REM2: variants seen among roughly 807,000 people sequenced by gnomAD.
The protein encoded by REM2 is GTP-binding protein REM 2.
REM2 carries 24 observed loss-of-function variants against 24.4 expected under a neutral mutation model. The observed-to-expected ratio is 0.98, with a 90% CI of 0.71 to 1.38. REM2 has a LOEUF of 1.38. REM2 is among the 40% of genes most tolerant of loss of function. The pLI is 0.00. For missense variants in REM2, 429 were observed against 467.8 expected (o/e 0.92, Z 0.77); for synonymous variants, 187 against 198.0 (o/e 0.94, Z 0.47).
chr14:22,884,839 C>G lies in REM2; in HGVS notation c.269C>G (p.Pro90Arg), dbSNP rs1417718352. The part of the protein sequence containing the change: ...AQAVDELDWP[P>R]QASSSGSSDS... ...GCTGTAGATGAACTTGACTGGCCAC[C>G]TCAGGCCTCATCCTCTGGCTCGTCT... Residue 90 changes from proline to arginine, a missense_variant, in exon 2 of 5, where the codon CCT becomes CGT. By Grantham distance (103) the Pro-to-Arg change is moderately radical (BLOSUM62 -2). Transcript: ENST00000267396. 10 of 1,613,908 alleles carry G rather than the reference C, an allele frequency of 6.2e-6. No homozygotes were observed.
intron 1 of REM2, chr14:22,884,315 TC>T (rs1264447505): frequency 2.0e-6 from 2 of 985,086 alleles, no homozygotes; most frequent in Non-Finnish European, 2.4e-6. Flanking sequence ...TCCCCAAACC[TC>T]CCCCAACTCC....
rs2040108507 is a variant in REM2, at chr14:22,884,941, G to A, written c.371G>A (p.Gly124Asp). ...AAGGTCATGCTAGTGGGGGAGAGCG[G>A]CGTGGGCAAGAGCACCCTAGCAGGC... ...IFKVMLVGESGVGKSTLAGTF... is the reference protein window; with the variant it reads ...IFKVMLVGESDVGKSTLAGTF... The change falls in exon 2 of 5, where the codon GGC (glycine) becomes GAC (aspartate). Residue 124 changes from glycine to aspartate, a missense_variant. Physicochemically the swap from Gly to Asp is moderately conservative, Grantham distance 94 (BLOSUM62 -1). Transcript: ENST00000267396. 1.3e-6 allele frequency: 2 copies of A among 1,599,500 alleles called. No homozygotes were observed. The highest frequency in any genetic ancestry group is 1.7e-5 in the Admixed American group (1 of 58,874).
intron 1 of REM2, 24 bp downstream of exon 1, chr14:22,883,414 C>G (rs2040086901): frequency 6.5e-7 from 1 of 1,550,262 alleles, no homozygotes; most frequent in South Asian, 1.2e-5. Flanking sequence ...TGGGCAGGTT[C>G]CGGCTGAAAC....
In REM2 at chr14:22,886,185, T is replaced by G; in HGVS notation, c.681T>G (p.Val227=). Residue 227 remains valine (V), a synonymous_variant, in exon 4 of 5, where the codon GTT becomes GTG. Transcript: ENST00000267396. The surrounding 1 kb of genome is among the most constrained non-coding windows in gnomAD (Gnocchi z 5.9). Reference sequence around the variant, plus strand: ...ACCACGACCTACCCGTTATCCTCGTTGGAAACAAGAGCGACTTGGCCCGCT... The same window carrying G: ...ACCACGACCTACCCGTTATCCTCGTGGGAAACAAGAGCGACTTGGCCCGCT... ...RPHHDLPVIL[V]GNKSDLARSR... 1 of 1,613,940 alleles carries G rather than the reference T, an allele frequency of 6.2e-7. No homozygotes were observed. Among genetic ancestry groups the G allele is most frequent in the Middle Eastern group, 1.6e-4 (1 of 6,062 alleles).
In REM2 at chr14:22,885,354, G is replaced by A. The variant is rs768206017; in HGVS notation, c.519+15G>A. 8.8e-6 allele frequency: 14 copies of A among 1,599,254 alleles called. No homozygotes were observed. The highest frequency in any genetic ancestry group is 4.4e-5 in the South Asian group (4 of 90,750). Reference sequence around the variant, plus strand: ...TCTGGGAACAGGTGAGAACTAAGATGTGGCTGCAGGCAGGTGATGAAGCTG... The same window carrying A: ...TCTGGGAACAGGTGAGAACTAAGATATGGCTGCAGGCAGGTGATGAAGCTG... On this transcript the variant is annotated intron_variant, in intron 3 of 4. Coordinates refer to ENST00000267396, the MANE Select transcript of REM2 (RefSeq NM_173527.3).
chr14:22,884,408 A>T (rs1595036976), intron 1 of REM2: 1 of 985,352 alleles, frequency 1.0e-6, no homozygotes, highest in Non-Finnish European at 1.2e-6. Context: ...GCCTGCATTC[A>T]GGTCCCTTCC....
chr14:22,887,007 G>A lies in REM2; in HGVS notation c.*98G>A. 1 of 1,157,828 alleles carries A rather than the reference G, an allele frequency of 8.6e-7. No homozygotes were observed. The highest frequency in any genetic ancestry group is 1.2e-6 in the Non-Finnish European group (1 of 868,542). 71.7% of individuals were successfully genotyped at this position (1,157,828 alleles called of 1,614,324 possible). A position where few individuals can be genotyped will look rare whatever the true frequency, so the allele number is the denominator to read the frequency against. ...GCCCCCGTCCGGCTTCCTTGGTGGA[G>A]GCCGTCTAGGAAACCAAAAACTCCC... is the stretch of plus-strand genomic sequence containing the variant. On this transcript the variant is annotated 3_prime_UTR_variant, in exon 5 of 5. Transcript: ENST00000267396.
Position 22,884,703 on chromosome 14 carries a change from G to C in REM2, c.133G>C (p.Glu45Gln), listed in dbSNP as rs1435603312. ...AGATGCCACGCTACTAAAGAAGTCA[G>C]AGAAACTGTTGGCAGAGTTGGACCG... ...EADATLLKKS[E>Q]KLLAELDRSG... The change falls in exon 2 of 5, where the codon GAG (glutamate) becomes CAG (glutamine). Residue 45 changes from glutamate to glutamine, a missense_variant. Physicochemically the swap from Glu to Gln is conservative, Grantham distance 29 (BLOSUM62 2). Coordinates refer to ENST00000267396, the MANE Select transcript of REM2 (RefSeq NM_173527.3). 1.4e-5 allele frequency: 22 copies of C among 1,609,302 alleles called. No individual in the cohort carries two copies. The highest frequency in any genetic ancestry group is 1.9e-5 in the Non-Finnish European group (22 of 1,178,132).
chr14:22,886,967 C>T lies in REM2; in HGVS notation c.*58C>T. Reference sequence around the variant, plus strand: ...GGTCACCGCGCCCTCCGCTCGCCCCCCCTCGCCCCGCCCCGCCCCCGTCCG... The same window carrying T: ...GGTCACCGCGCCCTCCGCTCGCCCCTCCTCGCCCCGCCCCGCCCCCGTCCG... On this transcript the variant is annotated 3_prime_UTR_variant, in exon 5 of 5. Coordinates refer to ENST00000267396, the MANE Select transcript of REM2 (RefSeq NM_173527.3). The surrounding 1 kb of genome is among the most constrained non-coding windows in gnomAD (Gnocchi z 5.9). 3.0e-6 allele frequency: 4 copies of T among 1,314,226 alleles called. No individual in the cohort carries two copies. Among genetic ancestry groups the T allele is most frequent in the South Asian group, 1.7e-5 (1 of 57,896 alleles). 81.4% of individuals were successfully genotyped at this position (1,314,226 alleles called of 1,614,324 possible).
At chr14:22,883,505 A>G (rs1007876219) in intron 1 of REM2, 115 bp downstream of exon 1, 1 of 910,488 alleles carries the variant, frequency 1.1e-6, no homozygotes, top group Non-Finnish European at 1.7e-6. Flanking sequence ...GCAAGAGGAG[A>G]AGAGCAATTG....
At chr14:22,883,892 C>A (rs761326914) in intron 1 of REM2, among the ~76,000 whole-genome samples, 10 of 140,756 alleles carry the variant, frequency 7.1e-5, no homozygotes, top group Non-Finnish European at 1.5e-4. Flanking sequence ...GTCACTCTCC[C>A]TTTCGCTCAC....
Position 22,886,147 on chromosome 14 carries a change from G to A in REM2, c.643G>A (p.Ala215Thr), listed in dbSNP as rs376686140. The A allele has an allele frequency of 6.2e-7, 1 of 1,613,850 alleles. No homozygotes were observed. The highest frequency in any genetic ancestry group is 1.3e-5 in the African/African-American group (1 of 74,914). Residue 215 changes from alanine to threonine, a missense_variant, in exon 4 of 5, where the codon GCT becomes ACT. Transcript: ENST00000267396. This position sits in a 1 kb window ranked among gnomAD's most constrained non-coding sequence, Gnocchi z 5.9. ...TCCAGAGACCCTACTTCGGCTCCGG[G>A]CTGGGAGGCCGCACCACGACCTACC... ...KVPETLLRLR[A>T]GRPHHDLPVI...
Position 22,884,738 on chromosome 14 carries a change from ACC to A in REM2, c.170_171del (p.Pro57LeufsTer28). The A allele has an allele frequency of 5.0e-6, 8 of 1,613,972 alleles. No individual in the cohort carries two copies. Among genetic ancestry groups the A allele is most frequent in the Non-Finnish European group, 4.2e-6 (5 of 1,179,876 alleles). On this transcript the variant is annotated frameshift_variant, in exon 2 of 5. Coordinates refer to ENST00000267396, the MANE Select transcript of REM2 (RefSeq NM_173527.3). LOFTEE classifies it high-confidence loss of function. ...TGGCAGAGTTGGACCGGAGCGGGTT[ACC>A]CTCTGCCCCTGGGGCCCCCAGACGA... ...LLAELDRSGL[P>X]SAPGAPRRRG...
chr14:22,886,161 C>T lies in REM2; in HGVS notation c.657C>T (p.His219=), dbSNP rs774552269. ...TTCGGCTCCGGGCTGGGAGGCCGCA[C>T]CACGACCTACCCGTTATCCTCGTTG... ...TLLRLRAGRP[H]HDLPVILVGN... The change falls in exon 4 of 5, where the codon CAC becomes CAT. Residue 219 remains histidine, a synonymous_variant. Transcript: ENST00000267396. The surrounding 1 kb of genome is among the most constrained non-coding windows in gnomAD (Gnocchi z 5.9). 2 of 1,613,986 alleles carry T rather than the reference C, an allele frequency of 1.2e-6. No homozygotes were observed. Among genetic ancestry groups the T allele is most frequent in the Non-Finnish European group, 1.7e-6 (2 of 1,179,878 alleles).
In REM2 at chr14:22,887,148, G is replaced by T; in HGVS notation, c.*239G>T. On this transcript the variant is annotated 3_prime_UTR_variant, in exon 5 of 5. Transcript: ENST00000267396. ...CTCAGGGCGCCTAGAAGGCGAGGACGCAGACCTGAAGGCGGCCGGTGAGCG... is the reference window on the plus strand; with the variant it reads ...CTCAGGGCGCCTAGAAGGCGAGGACTCAGACCTGAAGGCGGCCGGTGAGCG... The T allele has an allele frequency of 5.0e-6, 2 of 401,606 alleles. No homozygotes were observed. Among genetic ancestry groups the T allele is most frequent in the Non-Finnish European group, 4.4e-6 (1 of 227,816 alleles). 24.9% of individuals were successfully genotyped at this position (401,606 alleles called of 1,614,324 possible). A position where few individuals can be genotyped will look rare whatever the true frequency, so the allele number is the denominator to read the frequency against.
At position 22,886,615 on chromosome 14, in the gene REM2, G is replaced by A; in HGVS notation, c.729G>A (p.Glu243=). ...LARSREVSLE[E]GRHLAGTLSC... ...GCCTGAGCCGGTGCCTTCCTGCAGAGGGCCGCCACCTGGCCGGGACGCTGA... is the reference window on the plus strand; with the variant it reads ...GCCTGAGCCGGTGCCTTCCTGCAGAAGGCCGCCACCTGGCCGGGACGCTGA... Residue 243 remains glutamate, a splice_region_variant and synonymous_variant, in exon 5 of 5, where the codon GAG becomes GAA. Coordinates refer to ENST00000267396, the MANE Select transcript of REM2 (RefSeq NM_173527.3). This position sits in a 1 kb window ranked among gnomAD's most constrained non-coding sequence, Gnocchi z 5.9. 6.9e-7 allele frequency: 1 copy of A among 1,448,134 alleles called. No individual in the cohort carries two copies. Among genetic ancestry groups the A allele is most frequent in the East Asian group, 2.5e-5 (1 of 39,394 alleles). The allele number at this position is 1,448,134 out of a possible 1,614,324, so 89.7% of individuals were successfully genotyped here. A position where few individuals can be genotyped will look rare whatever the true frequency, so the allele number is the denominator to read the frequency against.
In REM2 at chr14:22,884,806, G is replaced by T; in HGVS notation, c.236G>T (p.Arg79Leu). 1 of 1,614,026 alleles carries T rather than the reference G, an allele frequency of 6.2e-7. No individual in the cohort carries two copies. The highest frequency in any genetic ancestry group is 8.5e-7 in the Non-Finnish European group (1 of 1,179,898). The part of the protein sequence containing the change: ...MPVPYKHQLR[R>L]AQAVDELDWP... ...GTCCCCTACAAGCACCAGCTCCGGC[G>T]GGCCCAGGCTGTAGATGAACTTGAC... is the stretch of plus-strand genomic sequence containing the variant. Residue 79 changes from arginine to leucine, a missense_variant, in exon 2 of 5, where the codon CGG becomes CTG. Physicochemically the swap from Arg to Leu is moderately radical, Grantham distance 102. Transcript: ENST00000267396.
In REM2 at chr14:22,885,301, G is replaced by C. The variant is rs770774317; in HGVS notation, c.481G>C (p.Glu161Gln). Residue 161 changes from glutamate (E) to glutamine (Q), a missense_variant, in exon 3 of 5, where the codon GAG (glutamate) becomes CAG (glutamine). By Grantham distance (29) the Glu-to-Gln change is conservative. Coordinates refer to ENST00000267396, the MANE Select transcript of REM2 (RefSeq NM_173527.3). Reference sequence around the variant, plus strand: ...TGAGAGACGCATCATGGTGGATAAGGAGGAAGTGACTCTAGTCGTTTATGA... The same window carrying C: ...TGAGAGACGCATCATGGTGGATAAGCAGGAAGTGACTCTAGTCGTTTATGA... ...TYERRIMVDK[E>Q]EVTLVVYDIW... The C allele has an allele frequency of 1.2e-6, 2 of 1,613,682 alleles. No homozygotes were observed. The highest frequency in any genetic ancestry group is 2.7e-5 in the African/African-American group (2 of 74,900).
chr14:22,884,816 T>A lies in REM2; in HGVS notation c.246T>A (p.Ala82=). ...PYKHQLRRAQ[A]VDELDWPPQA... ...AGCACCAGCTCCGGCGGGCCCAGGC[T>A]GTAGATGAACTTGACTGGCCACCTC... is the stretch of plus-strand genomic sequence containing the variant. The change falls in exon 2 of 5, where the codon GCT becomes GCA. Residue 82 remains alanine, a synonymous_variant. Coordinates refer to ENST00000267396, the MANE Select transcript of REM2 (RefSeq NM_173527.3). 1 of 1,614,016 alleles carries A rather than the reference T, an allele frequency of 6.2e-7. No individual in the cohort carries two copies. The highest frequency in any genetic ancestry group is 8.5e-7 in the Non-Finnish European group (1 of 1,179,870).
Sources: allele counts gnomAD v4.1 joint callset (sites outside exome capture counted in the v4.1 genomes callset), GRCh38; gene constraint gnomAD v4.1.1; non-coding constraint Gnocchi (gnomAD v3.1); transcripts MANE v1.5; gene names NCBI Gene and HGNC (gene_info 2026-07-23, HGNC 2026-07-21).